INSL6: variants seen among roughly 807,000 people sequenced by gnomAD.
The protein encoded by INSL6 is insulin like 6, also known as insulin-like peptide INSL6.
INSL6 carries 16 observed loss-of-function variants against 9.4 expected under a neutral mutation model. That is an observed-to-expected ratio of 1.70 (90% CI 1.15 to 2.59). The LOEUF (loss-of-function observed/expected upper bound fraction) is 2.59. INSL6 is among the 30% of genes most tolerant of loss of function. The probability of loss-of-function intolerance (pLI) is 0.00; values close to 1 mark genes in which losing one functional copy is unlikely to be tolerated. For missense variants in INSL6, 391 were observed against 257.3 expected, an observed-to-expected ratio of 1.52 and a Z score of -3.56; for synonymous variants, 154 against 96.9, an observed-to-expected ratio of 1.59 and a Z score of -3.46.
chr9:5,115,591 A>G, the INSL6 span, among the ~76,000 whole-genome samples: 25,718 of 151,908 alleles, frequency 0.17, 2,490 homozygotes, highest in Admixed American at 0.23. Context: ...AAATCATTCT[A>G]CTATAAAGAC....
the INSL6 span, chr9:5,085,787 A>G: frequency 1.3e-6 from 1 of 754,960 alleles, no homozygotes; most frequent in Middle Eastern, 2.3e-4. Flanking sequence ...GATGAATATT[A>G]CATGCTCGGG....
the INSL6 span, chr9:5,090,827 T>C: frequency 1.2e-6 from 2 of 1,613,488 alleles, no homozygotes; most frequent in Non-Finnish European, 1.7e-6. Context: ...AGAGTTAAAA[T>C]TGGAGATTTT....
intron 2 of INSL6, among the ~76,000 whole-genome samples, chr9:5,137,071 G>C (rs936942644): frequency 6.6e-6 from 1 of 152,160 alleles, no homozygotes; most frequent in African/African-American, 2.4e-5. Flanking sequence ...GGATGTGAAG[G>C]ACCTCTTCAA....
At chr9:5,150,085 C>G (rs898973140) in intron 2 of INSL6, among the ~76,000 whole-genome samples, 1 of 152,126 alleles carries the variant, frequency 6.6e-6, no homozygotes, top group Non-Finnish European at 1.5e-5. Context: ...TCACCAAATA[C>G]AAAAATTAAC....
At chr9:5,164,346 A>T (rs1824998412) in intron 1 of INSL6, 81 bp from the exon 2 acceptor site, 2 of 853,282 alleles carry the variant, frequency 2.3e-6, no homozygotes, top group Non-Finnish European at 1.9e-6. Context: ...CAGTAAAATC[A>T]GCTAATTATT....
chr9:5,093,233 G>A, the INSL6 span, among the ~76,000 whole-genome samples: 3 of 152,094 alleles, frequency 2.0e-5, no homozygotes, highest in Non-Finnish European at 4.4e-5. Flanking sequence ...CATGCTCTAA[G>A]GAAATATTAC....
At chr9:5,034,290 T>C in the INSL6 span, among the ~76,000 whole-genome samples, 1 of 152,082 alleles carries the variant, frequency 6.6e-6, no homozygotes, top group Non-Finnish European at 1.5e-5. Context: ...ACAATAATAA[T>C]GGGAGACTTT....
intron 1 of INSL6, among the ~76,000 whole-genome samples, chr9:5,176,032 G>A (rs1825296640): frequency 6.6e-6 from 1 of 152,030 alleles, no homozygotes; most frequent in African/African-American, 2.4e-5. Flanking sequence ...AAAAAGGTTG[G>A]GGATTACTGG....
At chr9:5,024,165 A>T in the INSL6 span, among the ~76,000 whole-genome samples, 1 of 152,154 alleles carries the variant, frequency 6.6e-6, no homozygotes, top group African/African-American at 2.4e-5. Context: ...CTGAGGTGGG[A>T]GAATGGCATG....
the INSL6 span, among the ~76,000 whole-genome samples, chr9:4,998,915 G>A: frequency 1.8e-4 from 27 of 151,872 alleles, no homozygotes; most frequent in Admixed American, 1.4e-3. Flanking sequence ...TCCGCCTCCC[G>A]GGTTCACGCC....
chr9:5,012,524 T>G, the INSL6 span, among the ~76,000 whole-genome samples: 1 of 152,206 alleles, frequency 6.6e-6, no homozygotes, highest in African/African-American at 2.4e-5. Context: ...GGAATGCACA[T>G]GATTTTTCTG....
intron 1 of INSL6, among the ~76,000 whole-genome samples, chr9:5,171,186 A>G (rs992926713): frequency 6.6e-6 from 1 of 152,194 alleles, no homozygotes; most frequent in African/African-American, 2.4e-5. Context: ...TTCAAAATAT[A>G]CAAAATCAAT....
At chr9:5,085,075 CTT>C in the INSL6 span, 1 of 682,162 alleles carries the variant, frequency 1.5e-6, no homozygotes, top group Non-Finnish European at 2.7e-6. Flanking sequence ...ACTGCTCTCT[CTT>C]ATTGCTTCAT....
intron 3 of INSL6, among the ~76,000 whole-genome samples, chr9:5,130,730 T>A (rs144791933): frequency 0.011 from 1,599 of 150,446 alleles, 20 homozygotes; most frequent in African/African-American, 0.036. Context: ...TTTTTTATTT[T>A]TTTTTTTATT....
chr9:5,050,904 G>A, the INSL6 span: 2 of 1,298,260 alleles, frequency 1.5e-6, no homozygotes, highest in Non-Finnish European at 2.2e-6. Flanking sequence ...TATTTTCTGT[G>A]TTTACCCATG....
At chr9:5,061,863 G>T in the INSL6 span, among the ~76,000 whole-genome samples, 1 of 152,168 alleles carries the variant, frequency 6.6e-6, no homozygotes, top group Admixed American at 6.5e-5. Context: ...TGAGAGATGG[G>T]TGAATCTTCC....
In INSL6 at chr9:5,143,489, T is replaced by C. The variant is rs1371363211; in HGVS notation, c.377-9897A>G. ...TTGATTTCCATAGAGGTGTTCATAA[T>C]ATTATCTGATGGTTGTCTGTATTTC... On this transcript the variant is annotated intron_variant, in intron 2 of 3. Transcript: ENST00000649639. 4.6e-5 allele frequency among the ~76,000 whole-genome samples: 7 copies of C among 152,116 alleles called. No individual in the cohort carries two copies. The East Asian group carries it at 1.3e-3, about 29-fold the overall frequency.
At chr9:5,115,388 G>C in the INSL6 span, among the ~76,000 whole-genome samples, 4 of 152,110 alleles carry the variant, frequency 2.6e-5, no homozygotes, top group African/African-American at 9.7e-5. Flanking sequence ...TTAGAATGGC[G>C]ATCATTAAAA....
At chr9:5,166,898 T>C (rs1366532424) in intron 1 of INSL6, among the ~76,000 whole-genome samples, 1 of 152,152 alleles carries the variant, frequency 6.6e-6, no homozygotes, top group East Asian at 1.9e-4. Context: ...AACTCCTAAA[T>C]ATTAGTTAAC....
Sources: allele counts gnomAD v4.1 joint callset (sites outside exome capture counted in the v4.1 genomes callset), GRCh38; gene constraint gnomAD v4.1.1; transcripts MANE v1.5; gene names NCBI Gene and HGNC (gene_info 2026-07-23, HGNC 2026-07-21).